The following CDYL2 variants were observed in gnomAD, a reference collection of about 807,000 sequenced individuals.
CDYL2 encodes chromodomain Y like 2, also known as chromodomain Y-like protein 2.
A neutral mutation model predicts 49.4 loss-of-function variants in CDYL2; 23 were observed. The ratio of observed to expected loss-of-function variants is 0.47; its 90% CI spans 0.34 to 0.66. The LOEUF is 0.66. Among genes scored for constraint, CDYL2 ranks in the 30% least tolerant of loss-of-function variants. The probability of loss-of-function intolerance (pLI) is 0.01; values close to 1 mark genes in which losing one functional copy is unlikely to be tolerated. For synonymous variants in CDYL2, 360 were observed against 268.8 expected, an observed-to-expected ratio of 1.34 and a Z score of -3.32; for missense variants, 678 against 656.4, an observed-to-expected ratio of 1.03 and a Z score of -0.36.
chr16:80,730,576 G>C (rs536427847), intron 1 of CDYL2, among the ~76,000 whole-genome samples: 3 of 152,070 alleles, frequency 2.0e-5, no homozygotes, highest in Admixed American at 1.3e-4. Flanking sequence ...AATAGAAAAA[G>C]AGGGAATCCT....
intron 1 of CDYL2, among the ~76,000 whole-genome samples, chr16:80,787,635 T>G (rs1279804984): frequency 1.3e-5 from 2 of 152,154 alleles, no homozygotes. Flanking sequence ...TGTGTGTGTA[T>G]TATCTCATAT....
At chr16:80,803,674 C>T (rs1367866064) in intron 1 of CDYL2, among the ~76,000 whole-genome samples, 1 of 141,616 alleles carries the variant, frequency 7.1e-6, no homozygotes, top group Non-Finnish European at 1.6e-5. Context: ...CCCCTCCTCC[C>T]CCGCGCCCCC....
intron 1 of CDYL2, among the ~76,000 whole-genome samples, chr16:80,749,593 T>C (rs1039487927): frequency 1.3e-5 from 2 of 152,140 alleles, no homozygotes; most frequent in Non-Finnish European, 2.9e-5. Flanking sequence ...CCCCAATAAC[T>C]AACTCTTGGC....
At chr16:80,741,331 C>T (rs561553571) in intron 1 of CDYL2, among the ~76,000 whole-genome samples, 1 of 151,152 alleles carries the variant, frequency 6.6e-6, no homozygotes, top group African/African-American at 2.4e-5. Context: ...TCCAATTTAC[C>T]TCAAGAATTA....
intron 1 of CDYL2, among the ~76,000 whole-genome samples, chr16:80,731,782 G>A (rs540139954): frequency 2.6e-5 from 4 of 152,182 alleles, no homozygotes; most frequent in African/African-American, 9.6e-5. Flanking sequence ...TCAGAAATGC[G>A]AAATCTCTAA....
chr16:80,668,705 C>A (rs1156513050), intron 2 of CDYL2, among the ~76,000 whole-genome samples: 6 of 151,960 alleles, frequency 3.9e-5, no homozygotes, highest in Non-Finnish European at 8.8e-5. Context: ...TTGAGACCAG[C>A]CTGGCCAACA....
intron 2 of CDYL2, among the ~76,000 whole-genome samples, chr16:80,652,374 C>T (rs1055351840): frequency 1.2e-4 from 18 of 152,094 alleles, no homozygotes; most frequent in African/African-American, 3.9e-4. Context: ...ATTTGAGCAA[C>T]AAAATATAGT....
chr16:80,642,632 C>T (rs549970298), intron 2 of CDYL2, among the ~76,000 whole-genome samples: 36 of 152,220 alleles, frequency 2.4e-4, no homozygotes, highest in Non-Finnish European at 8.8e-5. Flanking sequence ...TACAGTTCCA[C>T]GTGGCTGGGG....
In CDYL2 at chr16:80,604,589, C is replaced by A. The variant is rs751805743; in HGVS notation, c.1363-43G>T. The A allele has an allele frequency of 3.7e-6, 6 of 1,609,764 alleles. No individual in the cohort carries two copies. The Admixed American group carries it at 1.0e-4, about 27-fold the overall frequency. ...GGCCTGATTAGCCGGGCACCAGGGA[C>A]TCTGCTCCAGAACTAGGTACCTGGC... On this transcript the variant is annotated intron_variant, in intron 6 of 6. Transcript: ENST00000570137.
intron 1 of CDYL2, among the ~76,000 whole-genome samples, chr16:80,727,377 G>A (rs1905197655): frequency 6.6e-6 from 1 of 152,214 alleles, no homozygotes; most frequent in African/African-American, 2.4e-5. Context: ...CCCGAATACT[G>A]CGCTTTTCCG....
intron 2 of CDYL2, among the ~76,000 whole-genome samples, chr16:80,636,002 G>A (rs958544974): frequency 6.6e-6 from 1 of 152,180 alleles, no homozygotes; most frequent in Non-Finnish European, 1.5e-5. Context: ...GGGAAAACCA[G>A]CTAGCCATAT....
At chr16:80,772,775 T>G (rs1420961947) in intron 1 of CDYL2, among the ~76,000 whole-genome samples, 1 of 151,966 alleles carries the variant, frequency 6.6e-6, no homozygotes, top group East Asian at 1.9e-4. Context: ...AAATTAGAAT[T>G]TAACTCAAGT....
rs750827024 is a variant in CDYL2, at chr16:80,630,464, TAGAA to T, written c.834+2551_834+2554del. Reference sequence around the variant, plus strand: ...AGCACGCTTTTAGAAAGTAGTGAAGTAGAAAGAATCTAGGAAAAACTGGTCTCTG... The same window carrying T: ...AGCACGCTTTTAGAAAGTAGTGAAGTAGAATCTAGGAAAAACTGGTCTCTG... On this transcript the variant is annotated intron_variant, in intron 3 of 6. Transcript: ENST00000570137. 3.3e-5 allele frequency among the ~76,000 whole-genome samples: 5 copies of T among 152,228 alleles called. No individual in the cohort carries two copies. The South Asian group carries it at 6.2e-4, about 19-fold the overall frequency.
chr16:80,628,257 C>T (rs1240359768), intron 3 of CDYL2: 1 of 152,176 alleles, frequency 6.6e-6, no homozygotes, highest in African/African-American at 2.4e-5. Flanking sequence ...TCTGTAAATC[C>T]CACCCTCAAG....
intron 4 of CDYL2, among the ~76,000 whole-genome samples, chr16:80,615,879 T>C (rs1439574491): frequency 6.6e-6 from 1 of 152,122 alleles, no homozygotes. Context: ...TTCTCTCACC[T>C]CGGGCAGTAG....
At chr16:80,665,396 A>G (rs1044142699) in intron 2 of CDYL2, among the ~76,000 whole-genome samples, 4 of 151,808 alleles carry the variant, frequency 2.6e-5, no homozygotes, top group Non-Finnish European at 4.4e-5. Context: ...TCAGCACTCA[A>G]TGCCATGCCT....
At chr16:80,656,205 G>C (rs1410321842) in intron 2 of CDYL2, among the ~76,000 whole-genome samples, 1 of 152,200 alleles carries the variant, frequency 6.6e-6, no homozygotes, top group African/African-American at 2.4e-5. Flanking sequence ...CACACTCCAG[G>C]CACTTCTCCA....
chr16:80,683,456 T>C (rs1910049154), intron 2 of CDYL2, among the ~76,000 whole-genome samples: 1 of 152,234 alleles, frequency 6.6e-6, no homozygotes, highest in South Asian at 2.1e-4. Flanking sequence ...ACATGGGTCA[T>C]CACCTCCTGT....
chr16:80,692,176 AAAG>A (rs1384538773), intron 1 of CDYL2, among the ~76,000 whole-genome samples: 52 of 152,336 alleles, frequency 3.4e-4, no homozygotes, highest in African/African-American at 9.9e-4. Flanking sequence ...CTGCACGTCA[AAAG>A]AAGACTTCAC....
Sources: gnomAD v4.1 joint callset for allele counts (sites outside exome capture counted in the v4.1 genomes callset) on GRCh38, gnomAD v4.1.1 for gene constraint, MANE v1.5 for transcripts, NCBI Gene and HGNC (gene_info 2026-07-23, HGNC 2026-07-21) for gene names.